The following RIN3 variants were observed in gnomAD, a reference collection of about 807,000 sequenced individuals.
The protein encoded by RIN3 is Ras and Rab interactor 3, also known as RAB5 interacting protein 3.
In RIN3, 54 loss-of-function variants were observed where a neutral mutation model predicts 76.3. That is an observed-to-expected ratio of 0.71 (90% CI 0.57 to 0.89). The LOEUF is 0.89. Ranked by LOEUF, RIN3 falls within the 40% of genes least tolerant of loss-of-function variation. The pLI is 0.00. For synonymous variants in RIN3, 576 were observed against 564.0 expected (o/e 1.02, Z -0.30); for missense variants, 1,256 against 1,322.1 (o/e 0.95, Z 0.78).
At chr14:92,671,129 C>CA (rs1888272845) in intron 7 of RIN3, among the ~76,000 whole-genome samples, 1 of 152,174 alleles carries the variant, frequency 6.6e-6, no homozygotes, top group African/African-American at 2.4e-5. Context: ...GAGAGAGGCT[C>CA]AGAGAGGGTT....
At position 92,681,089 on chromosome 14, in the gene RIN3, GCCCTCTTGGAC is replaced by G. The variant is rs1888645759; in HGVS notation, c.2468-3893_2468-3883del. 6.6e-6 allele frequency among the ~76,000 whole-genome samples: 1 copy of G among 152,190 alleles called. No homozygotes were observed. The highest frequency in any genetic ancestry group is 1.5e-5 in the Non-Finnish European group (1 of 68,028). On this transcript the variant is annotated intron_variant, in intron 8 of 9. Transcript: ENST00000216487. The surrounding 1 kb of genome is among the most constrained non-coding windows in gnomAD (Gnocchi z 4.7). ...TCCTGGCTAGGCTGGTCCCAAAAGTGCCCTCTTGGACCCCTTTGCCCATGTCCCTTCCCTAG... is the reference window on the plus strand; with the variant it reads ...TCCTGGCTAGGCTGGTCCCAAAAGTGCCCTTTGCCCATGTCCCTTCCCTAG...
intron 6 of RIN3, among the ~76,000 whole-genome samples, chr14:92,657,022 G>A (rs761643663): frequency 6.6e-6 from 1 of 152,194 alleles, no homozygotes; most frequent in Non-Finnish European, 1.5e-5. Flanking sequence ...CTCTGCCCAT[G>A]TGTGTGGCCA....
chr14:92,626,900 G>A (rs572198125), intron 4 of RIN3, among the ~76,000 whole-genome samples: 4 of 152,114 alleles, frequency 2.6e-5, no homozygotes, highest in African/African-American at 7.2e-5. Context: ...GTCTCTTCCC[G>A]CAAGACCAGA....
intron 8 of RIN3, among the ~76,000 whole-genome samples, chr14:92,684,091 T>A (rs1258899345): frequency 6.6e-6 from 1 of 152,082 alleles, no homozygotes; most frequent in Non-Finnish European, 1.5e-5. Flanking sequence ...CAAAAATCAA[T>A]CACACAGTCC....
At chr14:92,598,518 C>T (rs1885231832) in intron 3 of RIN3, among the ~76,000 whole-genome samples, 1 of 152,242 alleles carries the variant, frequency 6.6e-6, no homozygotes, top group Non-Finnish European at 1.5e-5. Context: ...CAATAGATAA[C>T]TGGAACCATG....
At chr14:92,659,059 AG>A in intron 6 of RIN3, 101 bp from the exon 7 acceptor site, 1 of 1,102,838 alleles carries the variant, frequency 9.1e-7, no homozygotes, top group Non-Finnish European at 1.4e-6. Context: ...GTGTCCTTCC[AG>A]GGGCCAGGGG....
chr14:92,548,118 A>T (rs1041793488), intron 1 of RIN3, among the ~76,000 whole-genome samples: 5 of 152,202 alleles, frequency 3.3e-5, no homozygotes, highest in Non-Finnish European at 7.3e-5. Context: ...GCCTTCTGGA[A>T]ATTATTTCTA....
intron 1 of RIN3, chr14:92,515,150 C>T (rs769980285): frequency 1.6e-5 from 11 of 677,912 alleles, no homozygotes; most frequent in Middle Eastern, 4.7e-4. Flanking sequence ...CTTCTTCTCC[C>T]TCCATCCTGC....
intron 4 of RIN3, among the ~76,000 whole-genome samples, chr14:92,629,261 G>A (rs886463810): frequency 8.5e-5 from 13 of 152,160 alleles, no homozygotes; most frequent in South Asian, 2.1e-4. Context: ...CCGCTGGCTC[G>A]CCAAAATATG....
intron 3 of RIN3, among the ~76,000 whole-genome samples, chr14:92,592,254 T>A (rs1885002887): frequency 6.6e-6 from 1 of 151,858 alleles, no homozygotes; most frequent in South Asian, 2.1e-4. Context: ...ATACAAAAAA[T>A]TAGCTGGGCC....
At chr14:92,665,370 CTTTTTTTT>C (rs55818571) in intron 7 of RIN3, among the ~76,000 whole-genome samples, 13 of 83,612 alleles carry the variant, frequency 1.6e-4, no homozygotes, top group East Asian at 3.6e-4. Flanking sequence ...GCCTTTGTCT[CTTTTTTTT>C]TTTTTTTTTT....
chr14:92,605,013 G>A (rs1809357494), intron 3 of RIN3, among the ~76,000 whole-genome samples: 1 of 135,526 alleles, frequency 7.4e-6, no homozygotes, highest in Non-Finnish European at 1.5e-5. Context: ...AGGCTCAAAT[G>A]ATCCTCCTGC....
chr14:92,533,110 CT>C (rs1244070604), intron 1 of RIN3, among the ~76,000 whole-genome samples: 2 of 152,182 alleles, frequency 1.3e-5, no homozygotes, highest in African/African-American at 4.8e-5. Context: ...CTCTTTATTT[CT>C]TTTTTCCTTC....
chr14:92,620,019 G>C (rs1439716732), intron 4 of RIN3, among the ~76,000 whole-genome samples: 7 of 152,218 alleles, frequency 4.6e-5, no homozygotes, highest in Non-Finnish European at 1.0e-4. Flanking sequence ...ATTTCCCAAA[G>C]ATTACTCAAG....
chr14:92,535,139 A>T (rs1308816387), intron 1 of RIN3, among the ~76,000 whole-genome samples: 1 of 152,160 alleles, frequency 6.6e-6, no homozygotes, highest in South Asian at 2.1e-4. Flanking sequence ...ATCTTTTCAC[A>T]TGCTCACAGC....
intron 7 of RIN3, among the ~76,000 whole-genome samples, chr14:92,676,083 T>C (rs1888449786): frequency 6.6e-6 from 1 of 151,858 alleles, no homozygotes; most frequent in East Asian, 1.9e-4. Context: ...GGGAGATGTA[T>C]GATTCGTGGG....
chr14:92,686,406 C>G (rs1267131849), intron 9 of RIN3: 1 of 152,272 alleles, frequency 6.6e-6, no homozygotes, highest in Non-Finnish European at 1.5e-5. Flanking sequence ...TGTGAGTCCT[C>G]CATGGCCAAC....
intron 3 of RIN3, among the ~76,000 whole-genome samples, chr14:92,584,499 A>G (rs1364510100): frequency 6.6e-6 from 1 of 152,200 alleles, no homozygotes; most frequent in Non-Finnish European, 1.5e-5. Context: ...AACAAGCATT[A>G]TGTGAACAAC....
intron 4 of RIN3, among the ~76,000 whole-genome samples, chr14:92,634,411 T>A (rs8010626): frequency 4.3e-4 from 66 of 152,148 alleles, no homozygotes; most frequent in Middle Eastern, 3.4e-3. Flanking sequence ...AATTCCCATT[T>A]TTGTGAATGC....
Sources: gnomAD v4.1 joint callset for allele counts (sites outside exome capture counted in the v4.1 genomes callset) on GRCh38, gnomAD v4.1.1 for gene constraint, Gnocchi (gnomAD v3.1) non-coding constraint, MANE v1.5 for transcripts, NCBI Gene and HGNC (gene_info 2026-07-23, HGNC 2026-07-21) for gene names.